Variants in ITGAD observed in about 807,000 individuals in gnomAD.
ITGAD encodes integrin subunit alpha D, also known as integrin alpha-D.
ITGAD carries 105 observed loss-of-function variants against 139.0 expected under a neutral mutation model. The ratio of observed to expected loss-of-function variants is 0.76; its 90% CI spans 0.65 to 0.89. The LOEUF (loss-of-function observed/expected upper bound fraction) is 0.89, where lower values mean the gene tolerates loss of function less well. Ranked by LOEUF, ITGAD falls within the 40% of genes least tolerant of loss-of-function variation. ITGAD has a pLI of 0.00. For synonymous variants in ITGAD, 569 were observed against 598.3 expected (o/e 0.95, Z 0.71); for missense variants, 1,384 against 1,487.3 (o/e 0.93, Z 1.14).
Position 31,403,505 on chromosome 16 carries a change from A to T in ITGAD, c.564A>T (p.Ala188=). ...CTCCCCACTGGCCTTTGCAGTTTGC[A>T]CTGATGCAGTACTCAAACCTCCTGA... The part of the protein sequence containing the change: ...GQFEGTDTLF[A]LMQYSNLLKI... The change falls in exon 7 of 30, where the codon GCA becomes GCT. Residue 188 remains alanine (A), a synonymous_variant. Transcript: ENST00000389202. This position sits in a 1 kb window ranked among gnomAD's most constrained non-coding sequence, Gnocchi z 4.4. 6.2e-7 allele frequency: 1 copy of T among 1,614,072 alleles called. No homozygotes were observed. Among genetic ancestry groups the T allele is most frequent in the Non-Finnish European group, 8.5e-7 (1 of 1,179,996 alleles).
chr16:31,413,636 G>A (rs564897392), intron 16 of ITGAD, among the ~76,000 whole-genome samples: 7 of 152,236 alleles, frequency 4.6e-5, no homozygotes, highest in South Asian at 4.1e-4. Flanking sequence ...TGCGTAACCC[G>A]CCTTGCATTT....
chr16:31,396,266 G>A (rs541671119), intron 2 of ITGAD, among the ~76,000 whole-genome samples: 47 of 152,192 alleles, frequency 3.1e-4, no homozygotes, highest in South Asian at 1.0e-3. Context: ...AAGGTCAAGA[G>A]TTCAAGACCA....
chr16:31,418,514 C>T lies in ITGAD; in HGVS notation c.2730C>T (p.Thr910=). 6.2e-7 allele frequency: 1 copy of T among 1,614,108 alleles called. No individual in the cohort carries two copies. Among genetic ancestry groups the T allele is most frequent in the East Asian group, 2.2e-5 (1 of 44,870 alleles). ...ATAAGGCTTCAAGCAGCAAGGCCAC[C>T]TTCCAGCTGGAGCTCCCGGTGAAGT... ...ENNKASSSKA[T]FQLELPVKYA... is the part of the protein sequence containing the mutation. The change falls in exon 23 of 30, where the codon ACC becomes ACT. Residue 910 remains threonine (T), a synonymous_variant. Transcript: ENST00000389202.
At chr16:31,399,865 G>A (rs191079329) in intron 5 of ITGAD, among the ~76,000 whole-genome samples, 2 of 152,244 alleles carry the variant, frequency 1.3e-5, no homozygotes, top group Admixed American at 6.5e-5. Flanking sequence ...CCTGGGTGGC[G>A]GGCAGGCCCA....
chr16:31,394,386 T>A, intron 2 of ITGAD, 45 bp downstream of exon 2: 1 of 1,443,538 alleles, frequency 6.9e-7, no homozygotes, highest in Non-Finnish European at 9.7e-7. Context: ...CTACATCAAG[T>A]CCTGTGGATG....
chr16:31,418,185 C>G lies in ITGAD; in HGVS notation c.2610C>G (p.Gly870=). 6.2e-7 allele frequency: 1 copy of G among 1,613,474 alleles called. No homozygotes were observed. Among genetic ancestry groups the G allele is most frequent in the Non-Finnish European group, 8.5e-7 (1 of 1,179,410 alleles). Reference sequence around the variant, plus strand: ...TCAACCACCCCATCTTCCATGAGGGCTCTAACGTCAGTGCTTCTCCCTAAA... The same window carrying G: ...TCAACCACCCCATCTTCCATGAGGGGTCTAACGTCAGTGCTTCTCCCTAAA... The part of the protein sequence containing the change: ...CSVNHPIFHE[G]SNGTFIVTFD... The change falls in exon 21 of 30, where the codon GGC becomes GGG. Residue 870 remains glycine (G), a synonymous_variant. Coordinates refer to ENST00000389202, the MANE Select transcript of ITGAD (RefSeq NM_005353.3).
chr16:31,423,405 T>TG lies in ITGAD; in HGVS notation c.2914dup (p.Val972GlyfsTer33), dbSNP rs2082045314. 1 of 1,614,076 alleles carries TG rather than the reference T, an allele frequency of 6.2e-7. No individual in the cohort carries two copies. The highest frequency in any genetic ancestry group is 1.3e-5 in the African/African-American group (1 of 74,910). On this transcript the variant is annotated frameshift_variant, in exon 25 of 30. Transcript: ENST00000389202. LOFTEE classifies it high-confidence loss of function. ...CCATCAGCATTAACTTCTGGGTTCC[T>TG]GTCCTGCTGAACGGGGTGGCTGTGT...
intron 2 of ITGAD, 139 bp from the exon 3 acceptor site, chr16:31,397,220 A>G (rs2081286362): frequency 6.3e-6 from 4 of 637,840 alleles, no homozygotes; most frequent in Non-Finnish European, 1.1e-5. Flanking sequence ...ATTTCTGAAT[A>G]TTCTGCCAAG....
rs1303431131 is a variant in ITGAD at position 31,407,557 on chromosome 16, CAAG to C, written c.752_754del (p.Lys251del). The C allele has an allele frequency of 6.2e-7, 1 of 1,608,246 alleles. No homozygotes were observed. Among genetic ancestry groups the C allele is most frequent in the Admixed American group, 1.7e-5 (1 of 58,824 alleles). ...ATAAGAATGGGGCCCGAAAAAGTGC[CAAG>C]AAGATCCTCATTGTCATCACAGATG... On this transcript the variant is annotated inframe_deletion, in exon 8 of 30. Coordinates refer to ENST00000389202, the MANE Select transcript of ITGAD (RefSeq NM_005353.3).
chr16:31,408,277 C>T (rs537856053), intron 9 of ITGAD, 148 bp from the exon 10 acceptor site: 18 of 691,034 alleles, frequency 2.6e-5, no homozygotes, highest in East Asian at 5.4e-5. Context: ...CAGCCTGTCC[C>T]GCACAGTCTT....
chr16:31,412,202 C>T (rs796288437), intron 14 of ITGAD, among the ~76,000 whole-genome samples: 14 of 152,002 alleles, frequency 9.2e-5, no homozygotes, highest in African/African-American at 3.4e-4. Flanking sequence ...TGCCACCATA[C>T]CCGGCTAATT....
intron 10 of ITGAD, among the ~76,000 whole-genome samples, chr16:31,409,927 A>G (rs890158819): frequency 6.6e-6 from 1 of 151,256 alleles, no homozygotes; most frequent in Non-Finnish European, 1.5e-5. Context: ...AAAAAAAAAA[A>G]AAAAGAAAGG....
intron 5 of ITGAD, among the ~76,000 whole-genome samples, 188 bp downstream of exon 5, chr16:31,398,097 T>C (rs997165691): frequency 1.3e-5 from 2 of 151,786 alleles, no homozygotes; most frequent in Non-Finnish European, 2.9e-5. Flanking sequence ...CTTTGCAGGG[T>C]TTTTCTTTAT....
chr16:31,413,333 C>T, intron 16 of ITGAD, 87 bp downstream of exon 16: 1 of 1,371,090 alleles, frequency 7.3e-7, no homozygotes. Flanking sequence ...GCCTAGGAAT[C>T]CAATCTTACC....
intron 4 of ITGAD, 40 bp downstream of exon 4, chr16:31,397,706 C>CGGGGG: frequency 3.7e-5 from 11 of 299,898 alleles, no homozygotes; most frequent in Non-Finnish European, 6.1e-5. Context: ...TGGGGTGGGG[C>CGGGGG]GGGGGGTGTT....
At chr16:31,414,246 G>GCCAT (rs34319806) in intron 16 of ITGAD, among the ~76,000 whole-genome samples, 55,965 of 148,512 alleles carry the variant, frequency 0.38, 11,167 homozygotes, top group Middle Eastern at 0.48. Context: ...CTATTATCTA[G>GCCAT]CCATCCATCC....
chr16:31,395,604 GC>G (rs1326991997), intron 2 of ITGAD, among the ~76,000 whole-genome samples: 1 of 152,104 alleles, frequency 6.6e-6, no homozygotes, highest in Non-Finnish European at 1.5e-5. Context: ...AAAGGTAAGA[GC>G]CCCCCAACCC....
chr16:31,416,677 G>A (rs1340114793), intron 20 of ITGAD, 31 bp downstream of exon 20: 4 of 1,583,822 alleles, frequency 2.5e-6, no homozygotes, highest in Non-Finnish European at 3.5e-6. Context: ...TAGTGGGAGG[G>A]GGCCTCTCCC....
rs2081300028 is a variant in ITGAD at position 31,397,628 on chromosome 16, C to A, written c.274C>A (p.Leu92Met). 1 of 1,604,208 alleles carries A rather than the reference C, an allele frequency of 6.2e-7. No homozygotes were observed. Among genetic ancestry groups the A allele is most frequent in the Admixed American group, 1.7e-5 (1 of 59,394 alleles). The change falls in exon 4 of 30, where the codon CTG becomes ATG. Residue 92 changes from leucine (L) to methionine (M), a missense_variant. Leu to Met is a conservative substitution (Grantham distance 15, BLOSUM62 2). Coordinates refer to ENST00000389202, the MANE Select transcript of ITGAD (RefSeq NM_005353.3). ...TGAGGCCGTGAACATGTCCTTGGGC[C>A]TGACCCTGGCAGCCTCCACCAACGG... ...RPEAVNMSLG[L>M]TLAASTNGSR... is the part of the protein sequence containing the mutation.
Sources: gnomAD v4.1 joint callset for allele counts (sites outside exome capture counted in the v4.1 genomes callset) on GRCh38, gnomAD v4.1.1 for gene constraint, Gnocchi (gnomAD v3.1) non-coding constraint, MANE v1.5 for transcripts, NCBI Gene and HGNC (gene_info 2026-07-23, HGNC 2026-07-21) for gene names.